Variants in ADGRL3 observed in about 807,000 individuals in gnomAD.
ADGRL3 encodes the protein calcium-independent alpha-latrotoxin receptor 3.
ADGRL3 carries 62 observed loss-of-function variants against 153.5 expected under a neutral mutation model. The ratio of observed to expected loss-of-function variants is 0.40; its 90% CI spans 0.33 to 0.50. ADGRL3 has a LOEUF of 0.50. Ranked by LOEUF, ADGRL3 falls within the 20% of genes least tolerant of loss-of-function variation. The probability of loss-of-function intolerance (pLI) is 0.47; values close to 1 mark genes in which losing one functional copy is unlikely to be tolerated. For missense variants in ADGRL3, 1,641 were observed against 1,859.4 expected (o/e 0.88, Z 2.16); for synonymous variants, 710 against 672.5 (o/e 1.06, Z -0.86).
At chr4:61,542,776 CTG>C (rs2098696153) in intron 4 of ADGRL3, among the ~76,000 whole-genome samples, 1 of 152,186 alleles carries the variant, frequency 6.6e-6, no homozygotes, top group Non-Finnish European at 1.5e-5. Flanking sequence ...GGAAGTGTGA[CTG>C]TGCTTTCTTA....
chr4:61,574,638 A>T (rs533883811), intron 4 of ADGRL3, among the ~76,000 whole-genome samples: 16 of 151,926 alleles, frequency 1.1e-4, no homozygotes, highest in African/African-American at 3.9e-4. Context: ...TTAAAGTTAA[A>T]CTCAACGAAT....
chr4:61,739,154 A>G (rs1174985874), intron 8 of ADGRL3, among the ~76,000 whole-genome samples: 1 of 152,184 alleles, frequency 6.6e-6, no homozygotes, highest in Non-Finnish European at 1.5e-5. Context: ...TTAAAATTTT[A>G]AATAATATAG....
At chr4:61,696,670 CTTTTT>C (rs34306284) in intron 6 of ADGRL3, among the ~76,000 whole-genome samples, 1 of 102,016 alleles carries the variant, frequency 9.8e-6, no homozygotes, top group African/African-American at 4.0e-5. Context: ...TTTTTTTAAC[CTTTTT>C]TTTTTTTTTT....
intron 2 of ADGRL3, among the ~76,000 whole-genome samples, chr4:61,464,652 A>G (rs181794646): frequency 3.9e-5 from 6 of 152,328 alleles, no homozygotes; most frequent in Admixed American, 1.3e-4. Context: ...TCTATATGAC[A>G]TAATACCCAT....
At chr4:61,840,038 T>TA (rs2098004558) in intron 9 of ADGRL3, among the ~76,000 whole-genome samples, 2 of 152,118 alleles carry the variant, frequency 1.3e-5, no homozygotes, top group Non-Finnish European at 2.9e-5. Flanking sequence ...CTTACCTTTT[T>TA]AAAAAATGAA....
At chr4:61,204,817 G>C (rs562873335) in intron 1 of ADGRL3, among the ~76,000 whole-genome samples, 1 of 152,232 alleles carries the variant, frequency 6.6e-6, no homozygotes, top group African/African-American at 2.4e-5. Context: ...GCCAGTATGT[G>C]ATTTGCCTGA....
At position 61,934,938 on chromosome 4, in the gene ADGRL3, G is replaced by A; in HGVS notation, c.2211G>A (p.Leu737=). The part of the protein sequence containing the change: ...TSDQLRAATM[L]LHTVEESAFV... ...ATCAGCTGCGTGCGGCCACCATGTT[G>A]CTTCATACTGTGGAGGAAAGTGCTT... Residue 737 remains leucine, a synonymous_variant, in exon 14 of 27, where the codon TTG becomes TTA. Transcript: ENST00000683033. The A allele has an allele frequency of 6.2e-7, 1 of 1,613,862 alleles. No homozygotes were observed. The highest frequency in any genetic ancestry group is 8.5e-7 in the Non-Finnish European group (1 of 1,179,822).
intron 2 of ADGRL3, among the ~76,000 whole-genome samples, chr4:61,409,071 C>G (rs1255839521): frequency 6.6e-6 from 1 of 150,890 alleles, no homozygotes; most frequent in Non-Finnish European, 1.5e-5. Flanking sequence ...AGGACTATCT[C>G]TGCCTGACTC....
intron 4 of ADGRL3, among the ~76,000 whole-genome samples, chr4:61,522,821 A>G (rs749697439): frequency 6.6e-6 from 1 of 152,108 alleles, no homozygotes; most frequent in South Asian, 2.1e-4. Flanking sequence ...CTTCAGCCAC[A>G]TGGAGGTTGC....
At chr4:61,291,176 A>ACG (rs2094166046) in intron 1 of ADGRL3, among the ~76,000 whole-genome samples, 1 of 93,168 alleles carries the variant, frequency 1.1e-5, no homozygotes, top group Non-Finnish European at 2.2e-5. Context: ...CTGGATCAAT[A>ACG]CACACACACA....
At chr4:61,370,388 C>T (rs1012675564) in intron 1 of ADGRL3, among the ~76,000 whole-genome samples, 9 of 151,464 alleles carry the variant, frequency 5.9e-5, no homozygotes, top group South Asian at 2.1e-4. Context: ...TTTCCGTCTA[C>T]ACACTGCTTT....
intron 4 of ADGRL3, among the ~76,000 whole-genome samples, chr4:61,527,544 G>T (rs1404955817): frequency 6.6e-6 from 1 of 152,050 alleles, no homozygotes; most frequent in Non-Finnish European, 1.5e-5. Flanking sequence ...ATTTAAACAA[G>T]TTAGAAATGT....
chr4:61,413,371 G>C (rs1031002220), intron 2 of ADGRL3, among the ~76,000 whole-genome samples: 2 of 152,050 alleles, frequency 1.3e-5, no homozygotes, highest in Admixed American at 6.6e-5. Flanking sequence ...GGAAACGGGT[G>C]CTCTTTACTG....
At chr4:61,432,583 T>TTTTTCC (rs2097371993) in intron 2 of ADGRL3, among the ~76,000 whole-genome samples, 1 of 1,984 alleles carries the variant, frequency 5.0e-4, no homozygotes, top group African/African-American at 7.6e-4. Context: ...CCTTTCTTTC[T>TTTTTCC]TTCTTTCTTT....
chr4:61,729,677 A>C (rs561909405), intron 6 of ADGRL3, among the ~76,000 whole-genome samples: 5 of 151,704 alleles, frequency 3.3e-5, no homozygotes, highest in African/African-American at 1.2e-4. Context: ...CCCTTTTTCC[A>C]TGTTAGAATA....
At chr4:61,341,989 T>A (rs1405683870) in intron 1 of ADGRL3, among the ~76,000 whole-genome samples, 1 of 152,176 alleles carries the variant, frequency 6.6e-6, no homozygotes, top group African/African-American at 2.4e-5. Context: ...GAGCTTGATA[T>A]TTTCAGATAA....
intron 1 of ADGRL3, among the ~76,000 whole-genome samples, chr4:61,332,570 A>G (rs564302408): frequency 1.3e-5 from 2 of 152,246 alleles, no homozygotes; most frequent in East Asian, 1.9e-4. Flanking sequence ...CTCTGCTAAC[A>G]GTGTCTTAAT....
At chr4:61,869,952 AAAAAAAAAAG>A (rs2098428353) in intron 9 of ADGRL3, among the ~76,000 whole-genome samples, 1 of 112,232 alleles carries the variant, frequency 8.9e-6, no homozygotes, top group Non-Finnish European at 1.9e-5. Flanking sequence ...AAAAAAAAAA[AAAAAAAAAAG>A]AGAGAGAGAG....
At chr4:61,375,024 C>T (rs988718470) in intron 1 of ADGRL3, among the ~76,000 whole-genome samples, 2 of 151,856 alleles carry the variant, frequency 1.3e-5, no homozygotes, top group African/African-American at 2.4e-5. Flanking sequence ...AGGATTCTGG[C>T]ATATTGGATT....
Sources: gnomAD v4.1 joint callset for allele counts (sites outside exome capture counted in the v4.1 genomes callset) on GRCh38, gnomAD v4.1.1 for gene constraint, MANE v1.5 for transcripts, NCBI Gene and HGNC (gene_info 2026-07-23, HGNC 2026-07-21) for gene names.